The following CHCT1 variants were observed in gnomAD, a reference collection of about 807,000 sequenced individuals.
CHCT1 encodes CHD1 helical C-terminal domain containing protein 1.
chr17:60,422,643 G>C, the CHCT1 span: 2 of 1,546,836 alleles, frequency 1.3e-6, no homozygotes, highest in Middle Eastern at 1.7e-4. Context: ...CACTAGAGCA[G>C]GTGAAGTGGG....
At chr17:60,424,734 GT>G in the CHCT1 span, among the ~76,000 whole-genome samples, 2 of 152,046 alleles carry the variant, frequency 1.3e-5, no homozygotes, top group Non-Finnish European at 2.9e-5. Flanking sequence ...TTAGCCAGGC[GT>G]TGTGGTGCAC....
chr17:60,426,312 C>G, the CHCT1 span: 2 of 1,551,232 alleles, frequency 1.3e-6, no homozygotes, highest in Non-Finnish European at 1.7e-6. Context: ...TACTGCCAAG[C>G]CTGGGAAATC....
At chr17:60,428,288 T>A in the CHCT1 span, among the ~76,000 whole-genome samples, 4 of 152,134 alleles carry the variant, frequency 2.6e-5, no homozygotes, top group East Asian at 3.9e-4. Context: ...TCAGCCTCCA[T>A]CTGGCTGGGA....
the CHCT1 span, chr17:60,421,876 C>G: frequency 1.0e-6 from 1 of 985,472 alleles, no homozygotes. Context: ...ACGGGACTTG[C>G]CCGCGTCTCA....
chr17:60,421,868 G>C, the CHCT1 span: 3 of 985,356 alleles, frequency 3.0e-6, no homozygotes, highest in South Asian at 9.4e-5. Context: ...GGCCGGCGAC[G>C]GGACTTGCCC....
At chr17:60,425,673 T>A in the CHCT1 span, 1 of 739,992 alleles carries the variant, frequency 1.4e-6, no homozygotes, top group Non-Finnish European at 2.3e-6. Context: ...CAAGAAGGTC[T>A]GAGGGCAATG....
At chr17:60,421,452 C>T in the CHCT1 span, 3 of 985,602 alleles carry the variant, frequency 3.0e-6, no homozygotes, top group African/African-American at 3.5e-5. Context: ...GCGGTCCCAC[C>T]GCACTGTCGC....
the CHCT1 span, chr17:60,429,624 C>T: frequency 3.9e-6 from 6 of 1,522,202 alleles, no homozygotes; most frequent in African/African-American, 1.4e-5. Context: ...CTGGGTGTTT[C>T]CCAAGAGTAG....
At chr17:60,426,009 T>A in the CHCT1 span, 1 of 1,270,680 alleles carries the variant, frequency 7.9e-7, no homozygotes, top group Non-Finnish European at 1.1e-6. Flanking sequence ...TGGTAAGGAC[T>A]TTTGGTGAGA....
At chr17:60,431,208 C>A in the CHCT1 span, 3 of 1,604,496 alleles carry the variant, frequency 1.9e-6, no homozygotes. Flanking sequence ...TCTCAAAAAC[C>A]AAAACTCAAG....
At chr17:60,430,109 G>A in the CHCT1 span, among the ~76,000 whole-genome samples, 25 of 143,544 alleles carry the variant, frequency 1.7e-4, no homozygotes, top group Non-Finnish European at 1.5e-5. Flanking sequence ...ACAGGTGTGA[G>A]CCACGCACCT....
chr17:60,423,786 C>T, the CHCT1 span, among the ~76,000 whole-genome samples: 3 of 152,288 alleles, frequency 2.0e-5, no homozygotes, highest in South Asian at 2.1e-4. Flanking sequence ...CTTTCTTTGC[C>T]CCACTTTTGT....
chr17:60,423,646 G>A, the CHCT1 span, among the ~76,000 whole-genome samples: 1 of 151,990 alleles, frequency 6.6e-6, no homozygotes, highest in Admixed American at 6.6e-5. Flanking sequence ...TTGTATTTTT[G>A]GTAGAAATTG....
chr17:60,426,499 C>A, the CHCT1 span: 2 of 1,038,790 alleles, frequency 1.9e-6, no homozygotes, highest in Non-Finnish European at 2.7e-6. Flanking sequence ...ACAGCCCTGA[C>A]TGCACCTTGT....
At chr17:60,425,423 A>T in the CHCT1 span, among the ~76,000 whole-genome samples, 1 of 152,136 alleles carries the variant, frequency 6.6e-6, no homozygotes, top group Non-Finnish European at 1.5e-5. Flanking sequence ...TGCTGTCTCT[A>T]TATATTGGAC....
chr17:60,426,104 G>T, the CHCT1 span: 1 of 1,515,278 alleles, frequency 6.6e-7, no homozygotes, highest in South Asian at 1.2e-5. Context: ...ACCTGGGACT[G>T]CCCATCTGCC....
the CHCT1 span, among the ~76,000 whole-genome samples, chr17:60,424,764 T>G: frequency 6.6e-6 from 1 of 151,878 alleles, no homozygotes; most frequent in Non-Finnish European, 1.5e-5. Context: ...TCCCAGCTAC[T>G]CGGGAGGCTG....
chr17:60,424,633 C>T, the CHCT1 span, among the ~76,000 whole-genome samples: 3 of 152,052 alleles, frequency 2.0e-5, no homozygotes, highest in Non-Finnish European at 4.4e-5. Context: ...GCCTGTAATC[C>T]CAGCATTTTG....
chr17:60,426,714 G>A, the CHCT1 span: 1 of 1,608,846 alleles, frequency 6.2e-7, no homozygotes. Context: ...CTCCCCCTTT[G>A]CAGGATGCTC....
Sources: gnomAD v4.1 joint callset for allele counts (sites outside exome capture counted in the v4.1 genomes callset) on GRCh38, gnomAD v4.1.1 for gene constraint, MANE v1.5 for transcripts, NCBI Gene and HGNC (gene_info 2026-07-23, HGNC 2026-07-21) for gene names.